CKAP5: variants seen among roughly 807,000 people sequenced by gnomAD.
The protein encoded by CKAP5 is cytoskeleton associated protein 5.
In CKAP5, 27 loss-of-function variants were observed where a neutral mutation model predicts 232.8. That is an observed-to-expected ratio of 0.12 (90% CI 0.09 to 0.16). The LOEUF is 0.16. CKAP5 is among the 10% of genes least tolerant of loss of function. The probability of loss-of-function intolerance (pLI) is 1.00; values close to 1 mark genes in which losing one functional copy is unlikely to be tolerated. For missense variants in CKAP5, 1,838 were observed against 2,424.7 expected (o/e 0.76, Z 5.08); for synonymous variants, 785 against 841.1 (o/e 0.93, Z 1.16).
At chr11:46,791,624 T>A (rs138934834) in intron 13 of CKAP5, among the ~76,000 whole-genome samples, 37 of 152,218 alleles carry the variant, frequency 2.4e-4, no homozygotes, top group African/African-American at 8.9e-4. Context: ...CAGTGAGCCA[T>A]GATCATGTCA....
Position 46,743,937 on chromosome 11 carries a change from A to G in CKAP5, c.*86T>C. On this transcript the variant is annotated 3_prime_UTR_variant, in exon 44 of 44. Transcript: ENST00000529230. The stretch of plus-strand genomic sequence containing the variant: ...TGATACATACAACCAGTTTGTATAC[A>G]CTAGGCCTGCTGAGGCCATTTTAAA... 6.4e-7 allele frequency: 1 copy of G among 1,556,386 alleles called. No individual in the cohort carries two copies. The highest frequency in any genetic ancestry group is 8.8e-7 in the Non-Finnish European group (1 of 1,136,162).
In CKAP5 at chr11:46,770,190, T is replaced by C. The variant is rs375124305; in HGVS notation, c.3187-92A>G. 1,147 of 1,346,066 alleles carry C rather than the reference T, an allele frequency of 8.5e-4. 3 individuals are homozygous for C. The highest frequency in any genetic ancestry group is 1.7e-3 in the Middle Eastern group (7 of 4,018). The allele number at this position is 1,346,066 out of a possible 1,614,324, so 83.4% of individuals were successfully genotyped here. ...AACAAATCCTCTGTCAAACAAATGA[T>C]TGAGCTCCTAGTTTTGAAATACCAC... On this transcript the variant is annotated intron_variant, in intron 25 of 43. Coordinates refer to ENST00000529230, the MANE Select transcript of CKAP5 (RefSeq NM_001008938.4).
At chr11:46,801,440 T>A in intron 8 of CKAP5, 136 bp from the exon 9 acceptor site, 1 of 584,516 alleles carries the variant, frequency 1.7e-6, no homozygotes, top group Non-Finnish European at 3.1e-6. Context: ...GAGGCCAAGG[T>A]GGGTGGACCA....
At chr11:46,778,037 A>G in intron 22 of CKAP5, 102 bp downstream of exon 22, 3 of 918,554 alleles carry the variant, frequency 3.3e-6, no homozygotes, top group Middle Eastern at 2.3e-4. Flanking sequence ...CAAAGCAAAT[A>G]AAGTAACCAC....
intron 26 of CKAP5, 133 bp downstream of exon 26, chr11:46,769,830 G>T: frequency 1.0e-6 from 1 of 977,384 alleles, no homozygotes; most frequent in Non-Finnish European, 1.5e-6. Context: ...TGAAAGGAAA[G>T]TAAGCAGAGA....
chr11:46,805,149 C>T (rs912566643), intron 8 of CKAP5, among the ~76,000 whole-genome samples: 4 of 151,994 alleles, frequency 2.6e-5, no homozygotes, highest in Middle Eastern at 3.4e-3. Flanking sequence ...GCAGGAGAAT[C>T]GCTTGAACTC....
chr11:46,797,851 G>A lies in CKAP5; in HGVS notation c.1292C>T (p.Thr431Ile). ...ARSFRHCTAS[T>I]LPKSLLKPFC... ...GGGCTTTAGCAAGCTCTTTGGCAGGGTAGAAGCAGTGCAGTGGCGGAAACT... is the reference window on the plus strand; with the variant it reads ...GGGCTTTAGCAAGCTCTTTGGCAGGATAGAAGCAGTGCAGTGGCGGAAACT... Residue 431 changes from threonine to isoleucine, a missense_variant, in exon 11 of 44, where the codon ACC (threonine) becomes ATC (isoleucine). Coordinates refer to ENST00000529230, the MANE Select transcript of CKAP5 (RefSeq NM_001008938.4). 1 of 1,614,082 alleles carries A rather than the reference G, an allele frequency of 6.2e-7. No homozygotes were observed. The highest frequency in any genetic ancestry group is 1.7e-5 in the Admixed American group (1 of 59,988).
chr11:46,809,862 C>T lies in CKAP5; in HGVS notation c.643G>A (p.Glu215Lys). The T allele has an allele frequency of 6.2e-7, 1 of 1,608,078 alleles. No individual in the cohort carries two copies. The highest frequency in any genetic ancestry group is 8.5e-7 in the Non-Finnish European group (1 of 1,178,578). The change falls in exon 6 of 44, where the codon GAA becomes AAA. Residue 215 changes from glutamate (E) to lysine (K), a missense_variant. This residue lies in a region of CKAP5 where 285 missense variants were observed against 300.0 expected (regional missense o/e 0.95). Transcript: ENST00000529230. ...GTTGGCAGTTTGACCCATTCTTCTT[C>T]TAGTTCTTTCAACTGCAAATGTCAT... ...NINSVQLKEL[E>K]EEWVKLPTSA...
At chr11:46,840,133 T>A (rs573276184) in intron 1 of CKAP5, among the ~76,000 whole-genome samples, 99 of 152,078 alleles carry the variant, frequency 6.5e-4, no homozygotes, top group African/African-American at 2.3e-3. Context: ...CTCAAAAAAA[T>A]TAATTAATTA....
intron 13 of CKAP5, among the ~76,000 whole-genome samples, chr11:46,794,905 T>C (rs1282022065): frequency 6.6e-6 from 1 of 152,144 alleles, no homozygotes; most frequent in Non-Finnish European, 1.5e-5. Flanking sequence ...TGGAAGAAGC[T>C]GAGAATGGGA....
At chr11:46,771,012 A>G in intron 24 of CKAP5, 30 bp from the exon 25 acceptor site, 1 of 1,573,528 alleles carries the variant, frequency 6.4e-7, no homozygotes, top group South Asian at 1.1e-5. Context: ...CTAGTTACAC[A>G]CTTCAAATGA....
At position 46,788,720 on chromosome 11, in the gene CKAP5, C is replaced by T; in HGVS notation, c.1929G>A (p.Met643Ile). ...CTTTCCATCCAGGTTTCTTGGCTAGCATCCTCACTAATGCCTGGCATGGCA... is the reference window on the plus strand; with the variant it reads ...CTTTCCATCCAGGTTTCTTGGCTAGTATCCTCACTAATGCCTGGCATGGCA... The part of the protein sequence containing the change: ...TEMPCQALVR[M>I]LAKKPGWKET... The change falls in exon 16 of 44, where the codon ATG becomes ATA. Residue 643 changes from methionine (M) to isoleucine (I), a missense_variant. Physicochemically the swap from Met to Ile is conservative, Grantham distance 10 (BLOSUM62 1). Transcript: ENST00000529230. 1 of 1,608,612 alleles carries T rather than the reference C, an allele frequency of 6.2e-7. No homozygotes were observed. The highest frequency in any genetic ancestry group is 8.5e-7 in the Non-Finnish European group (1 of 1,178,070).
intron 36 of CKAP5, 24 bp from the exon 37 acceptor site, chr11:46,753,521 G>A: frequency 2.5e-6 from 4 of 1,572,822 alleles, no homozygotes; most frequent in Non-Finnish European, 3.5e-6. Context: ...CTTGTGTCAG[G>A]GAGGTGTAAA....
rs751942219 is a variant in CKAP5 at position 46,744,476 on chromosome 11, A to G, written c.5806T>C (p.Leu1936=). The G allele has an allele frequency of 6.2e-7, 1 of 1,614,148 alleles. No individual in the cohort carries two copies. Among genetic ancestry groups the G allele is most frequent in the Non-Finnish European group, 8.5e-7 (1 of 1,180,024 alleles). ...NGEEVGPSVY[L]ERLKILRQRC... ...TGTCGGAGGATCTTTAGCCTTTCCA[A>G]GTAGACAGATGGCCCCACTTCTTCC... The change falls in exon 43 of 44, where the codon TTG becomes CTG. Residue 1936 remains leucine (L), a synonymous_variant. Coordinates refer to ENST00000529230, the MANE Select transcript of CKAP5 (RefSeq NM_001008938.4).
At chr11:46,776,513 C>A (rs1022198702) in intron 23 of CKAP5, 130 bp from the exon 24 acceptor site, 2 of 592,486 alleles carry the variant, frequency 3.4e-6, no homozygotes, top group Non-Finnish European at 5.3e-6. Flanking sequence ...ATGAAACCAT[C>A]TTCTCTGAAA....
At chr11:46,811,233 C>CTAATGCTTT in intron 4 of CKAP5, 55 bp from the exon 5 acceptor site, 1 of 1,395,962 alleles carries the variant, frequency 7.2e-7, no homozygotes, top group Non-Finnish European at 1.0e-6. Flanking sequence ...TTAAATAAAG[C>CTAATGCTTT]ATTAGCTTTT....
rs374968931 is a variant in CKAP5, at chr11:46,798,218, T to C, written c.1084-46A>G. The C allele has an allele frequency of 2.5e-6, 3 of 1,219,318 alleles. No individual in the cohort carries two copies. In the African/African-American group the frequency reaches 4.5e-5, roughly 18 times the overall value. The allele number at this position is 1,219,318 out of a possible 1,614,324, so 75.5% of individuals were successfully genotyped here. The stretch of plus-strand genomic sequence containing the variant: ...CACATTATTCAGCAACAAAGAGGAA[T>C]GATATATTGATATATCCTAGAACAT... On this transcript the variant is annotated intron_variant, in intron 9 of 43. Coordinates refer to ENST00000529230, the MANE Select transcript of CKAP5 (RefSeq NM_001008938.4).
At chr11:46,843,765 A>AAAAAT (rs1940115342) in intron 1 of CKAP5, among the ~76,000 whole-genome samples, 2 of 151,062 alleles carry the variant, frequency 1.3e-5, no homozygotes, top group Non-Finnish European at 2.9e-5. Context: ...GAACACAAAG[A>AAAAAT]TGTAAGTGTT....
chr11:46,773,252 ATT>A (rs879399924), intron 24 of CKAP5, among the ~76,000 whole-genome samples: 3 of 139,294 alleles, frequency 2.2e-5, no homozygotes, highest in Non-Finnish European at 4.7e-5. Flanking sequence ...TGAATGTTCT[ATT>A]TTTTTTTTTT....
Sources: allele counts gnomAD v4.1 joint callset (sites outside exome capture counted in the v4.1 genomes callset), GRCh38; gene constraint gnomAD v4.1.1; regional missense constraint gnomAD v4.1.1; transcripts MANE v1.5; gene names NCBI Gene and HGNC (gene_info 2026-07-23, HGNC 2026-07-21).